Variants in HIPK2 observed in about 807,000 individuals in gnomAD.
The protein encoded by HIPK2 is homeodomain-interacting protein kinase 2.
In HIPK2, 27 loss-of-function variants were observed where a neutral mutation model predicts 113.7. The observed-to-expected ratio is 0.24, with a 90% confidence interval of 0.17 to 0.33. HIPK2 has a LOEUF of 0.33. HIPK2 is among the 10% of genes least tolerant of loss of function. HIPK2 has a pLI of 1.00. For synonymous variants in HIPK2, 631 were observed against 642.2 expected, an observed-to-expected ratio of 0.98 and a Z score of 0.26; for missense variants, 1,257 against 1,588.0, an observed-to-expected ratio of 0.79 and a Z score of 3.54.
intron 1 of HIPK2, among the ~76,000 whole-genome samples, chr7:139,753,442 C>A (rs1388144207): frequency 1.3e-5 from 2 of 152,210 alleles, no homozygotes; most frequent in African/African-American, 4.8e-5. Flanking sequence ...CCATCGCACA[C>A]ATCTGAAGCT....
chr7:139,647,924 G>T (rs930234035), intron 2 of HIPK2, among the ~76,000 whole-genome samples: 4 of 152,240 alleles, frequency 2.6e-5, no homozygotes, highest in African/African-American at 9.6e-5. Flanking sequence ...TGTCAGCTGT[G>T]TAAGTAGGTC....
Position 139,716,717 on chromosome 7 carries a change from T to C in HIPK2, c.318A>G (p.Gln106=). The change falls in exon 2 of 15, where the codon CAA becomes CAG. Residue 106 remains glutamine, a synonymous_variant. Transcript: ENST00000406875. The surrounding 1 kb of genome is among the most constrained non-coding windows in gnomAD (Gnocchi z 9.3). ...TSASSTSVTG[Q]VLGGPHNLMR... is the part of the protein sequence containing the mutation. The stretch of plus-strand genomic sequence containing the variant: ...TTAGGTTGTGTGGTCCGCCGAGGAC[T>C]TGCCCGGTGACAGAAGTGCTGCTTG... 6.2e-7 allele frequency: 1 copy of C among 1,613,928 alleles called. No homozygotes were observed. The highest frequency in any genetic ancestry group is 8.5e-7 in the Non-Finnish European group (1 of 1,179,866).
chr7:139,628,079 T>A (rs901425154), intron 5 of HIPK2, among the ~76,000 whole-genome samples: 1 of 152,086 alleles, frequency 6.6e-6, no homozygotes, highest in East Asian at 1.9e-4. Flanking sequence ...ACAAAAGCCA[T>A]GTGAAGAAGG....
intron 2 of HIPK2, among the ~76,000 whole-genome samples, chr7:139,636,433 T>TCTAA (rs1800817045): frequency 6.6e-6 from 1 of 152,058 alleles, no homozygotes; most frequent in Non-Finnish European, 1.5e-5. Flanking sequence ...GCATGTGACT[T>TCTAA]TATTTAGGAA....
intron 1 of HIPK2, among the ~76,000 whole-genome samples, chr7:139,727,066 C>G (rs1795601312): frequency 6.6e-6 from 1 of 152,142 alleles, no homozygotes; most frequent in Non-Finnish European, 1.5e-5. Context: ...AGATGTGGAC[C>G]TGAAGGCTGT....
chr7:139,589,844 G>A (rs1187949041), intron 12 of HIPK2, among the ~76,000 whole-genome samples: 2 of 152,226 alleles, frequency 1.3e-5, no homozygotes, highest in South Asian at 2.1e-4. Context: ...TTGTAGCTGG[G>A]GAGCCCCTGG....
At position 139,613,347 on chromosome 7, in the gene HIPK2, A is replaced by T. The variant is rs1312174676; in HGVS notation, c.1991-24T>A. On this transcript the variant is annotated intron_variant, in intron 8 of 14. Coordinates refer to ENST00000406875, the MANE Select transcript of HIPK2 (RefSeq NM_022740.5). This position sits in a 1 kb window ranked among gnomAD's most constrained non-coding sequence, Gnocchi z 4.2. ...GCCTGTTCCAGACAGTGTGAGGGAG[A>T]GAAGGGTTAGCTGAGACGCTGTGAA... is the stretch of plus-strand genomic sequence containing the variant. 1.6e-5 allele frequency: 26 copies of T among 1,611,828 alleles called. No individual in the cohort carries two copies. The highest frequency in any genetic ancestry group is 2.2e-5 in the Non-Finnish European group (26 of 1,179,036).
chr7:139,706,028 G>A (rs1260418831), intron 2 of HIPK2, among the ~76,000 whole-genome samples: 6 of 152,180 alleles, frequency 3.9e-5, no homozygotes, highest in Non-Finnish European at 7.3e-5. Flanking sequence ...TGGAGGTTAC[G>A]AGGCCCCGGG....
chr7:139,739,116 A>G (rs1013333838), intron 1 of HIPK2, among the ~76,000 whole-genome samples: 3 of 152,158 alleles, frequency 2.0e-5, no homozygotes, highest in Non-Finnish European at 4.4e-5. Context: ...TTGTTTTTGA[A>G]ACAGGGTTTC....
chr7:139,571,330 G>C lies in HIPK2; in HGVS notation c.*1597C>G, dbSNP rs1051638091. The C allele has an allele frequency of 6.6e-6, 1 of 152,366 alleles. No individual in the cohort carries two copies. Among genetic ancestry groups the C allele is most frequent in the Non-Finnish European group, 1.5e-5 (1 of 68,162 alleles). 9.4% of individuals were successfully genotyped at this position (152,366 alleles called of 1,614,324 possible). A position where few individuals can be genotyped will look rare whatever the true frequency, so the allele number is the denominator to read the frequency against. ...CTCTCGTGGAGGCGGGAGGGACTGGGGGATGCCGCCTGGGGCGGGAGACGG... is the reference window on the plus strand; with the variant it reads ...CTCTCGTGGAGGCGGGAGGGACTGGCGGATGCCGCCTGGGGCGGGAGACGG... On this transcript the variant is annotated 3_prime_UTR_variant, in exon 15 of 15. Coordinates refer to ENST00000406875, the MANE Select transcript of HIPK2 (RefSeq NM_022740.5).
intron 2 of HIPK2, among the ~76,000 whole-genome samples, chr7:139,703,977 ACAAC>A (rs1794798480): frequency 8.4e-6 from 1 of 119,086 alleles, no homozygotes; most frequent in Admixed American, 8.8e-5. Context: ...CACCACACAC[ACAAC>A]CACACCCAAC....
chr7:139,585,634 A>G (rs1163831979), intron 12 of HIPK2, among the ~76,000 whole-genome samples: 1 of 152,144 alleles, frequency 6.6e-6, no homozygotes, highest in East Asian at 1.9e-4. Flanking sequence ...TAATAATTGT[A>G]CCTATATCAT....
In HIPK2 at chr7:139,708,775, G is replaced by A. The variant is rs552767849; in HGVS notation, c.1103+7157C>T. On this transcript the variant is annotated intron_variant, in intron 2 of 14. Coordinates refer to ENST00000406875, the MANE Select transcript of HIPK2 (RefSeq NM_022740.5). ...TTGTGTCTTTCACCACATGGTGGGC[G>A]TGTGTGCATTATCAGTAGCTCTGTA... Among the ~76,000 whole-genome samples, 32 of 152,348 alleles carry A rather than the reference G, an allele frequency of 2.1e-4. 1 individual carries two copies. The South Asian group carries it at 4.8e-3, about 23-fold the overall frequency.
At chr7:139,734,579 T>A (rs1795886289) in intron 1 of HIPK2, among the ~76,000 whole-genome samples, 1 of 152,230 alleles carries the variant, frequency 6.6e-6, no homozygotes, top group Non-Finnish European at 1.5e-5. Flanking sequence ...ACGGTTGTGC[T>A]CTTGGTAAAG....
At chr7:139,733,932 A>T (rs1484562796) in intron 1 of HIPK2, among the ~76,000 whole-genome samples, 3 of 152,218 alleles carry the variant, frequency 2.0e-5, no homozygotes, top group Non-Finnish European at 4.4e-5. Context: ...AAAGAGGGTA[A>T]CAAAGAGCAG....
At chr7:139,593,722 G>C (rs1354189815) in intron 12 of HIPK2, among the ~76,000 whole-genome samples, 2 of 152,192 alleles carry the variant, frequency 1.3e-5, no homozygotes, top group East Asian at 3.9e-4. Context: ...GTAGCAAATA[G>C]AAAACGAGGC....
chr7:139,762,651 A>AGGGT (rs941174335), intron 1 of HIPK2, among the ~76,000 whole-genome samples: 6 of 152,252 alleles, frequency 3.9e-5, no homozygotes, highest in African/African-American at 4.8e-5. Context: ...ACACTCTAAA[A>AGGGT]GGGTGGCAAT....
In HIPK2 at chr7:139,716,439, T is replaced by A; in HGVS notation, c.596A>T (p.Tyr199Phe). 1.9e-6 allele frequency: 3 copies of A among 1,613,992 alleles called. No homozygotes were observed. The highest frequency in any genetic ancestry group is 2.5e-6 in the Non-Finnish European group (3 of 1,179,884). ...HEVLCSMTNTYEVLEFLGRGT... is the reference protein window; with the variant it reads ...HEVLCSMTNTFEVLEFLGRGT... ...TCGGCCCAAGAACTCTAAGACCTCG[T>A]AGGTGTTGGTCATGGAGCACAGCAC... The change falls in exon 2 of 15, where the codon TAC becomes TTC. Residue 199 changes from tyrosine to phenylalanine, a missense_variant. By Grantham distance (22) the Tyr-to-Phe change is conservative (BLOSUM62 3). Around this residue, in one of 5 missense-constraint regions of HIPK2, gnomAD observed 78 missense variants for 145.7 expected, o/e 0.54. Transcript: ENST00000406875. This position sits in a 1 kb window ranked among gnomAD's most constrained non-coding sequence, Gnocchi z 9.3.
intron 2 of HIPK2, among the ~76,000 whole-genome samples, chr7:139,638,247 T>A (rs1473334647): frequency 6.6e-6 from 1 of 152,164 alleles, no homozygotes; most frequent in Non-Finnish European, 1.5e-5. Flanking sequence ...CCTTTTCCAA[T>A]CCACTCTGGA....
Sources: gnomAD v4.1 joint callset for allele counts (sites outside exome capture counted in the v4.1 genomes callset) on GRCh38, gnomAD v4.1.1 for gene constraint, gnomAD v4.1.1 regional missense constraint, Gnocchi (gnomAD v3.1) non-coding constraint, MANE v1.5 for transcripts, NCBI Gene and HGNC (gene_info 2026-07-23, HGNC 2026-07-21) for gene names.